The following ADGRL2 variants were observed in gnomAD, a reference collection of about 807,000 sequenced individuals.
ADGRL2 encodes the protein adhesion G protein-coupled receptor L2, also known as calcium-independent alpha-latrotoxin receptor 2.
In ADGRL2, 44 loss-of-function variants were observed where a neutral mutation model predicts 157.4. The ratio of observed to expected loss-of-function variants is 0.28; its 90% CI spans 0.22 to 0.36. The LOEUF is 0.36. ADGRL2 is among the 10% of genes least tolerant of loss of function. The pLI is 1.00. For missense variants in ADGRL2, 1,510 were observed against 1,768.9 expected (o/e 0.85, Z 2.63); for synonymous variants, 585 against 624.7 (o/e 0.94, Z 0.95).
chr1:81,888,266 A>G (rs2094173974), intron 2 of ADGRL2, among the ~76,000 whole-genome samples: 1 of 152,160 alleles, frequency 6.6e-6, no homozygotes, highest in South Asian at 2.1e-4. Context: ...CAGTGCTCAT[A>G]CAACATACGA....
chr1:81,353,293 T>C (rs1020105982), intron 1 of ADGRL2, among the ~76,000 whole-genome samples: 2 of 152,182 alleles, frequency 1.3e-5, no homozygotes, highest in Non-Finnish European at 2.9e-5. Flanking sequence ...GGTCCTTTTA[T>C]TCCATAAATA....
intron 3 of ADGRL2, among the ~76,000 whole-genome samples, chr1:81,599,878 C>G (rs187152947): frequency 6.6e-6 from 1 of 152,104 alleles, no homozygotes; most frequent in South Asian, 2.1e-4. Context: ...CTATGTTTCC[C>G]AAGTTTTGAG....
intron 2 of ADGRL2, among the ~76,000 whole-genome samples, chr1:81,553,227 T>C (rs1187605312): frequency 6.6e-6 from 1 of 152,206 alleles, no homozygotes; most frequent in Non-Finnish European, 1.5e-5. Context: ...CTTGATCCAC[T>C]ATGCCATTTA....
chr1:81,778,466 C>T (rs1172678784), intron 2 of ADGRL2, among the ~76,000 whole-genome samples: 2 of 152,086 alleles, frequency 1.3e-5, no homozygotes, highest in Admixed American at 6.5e-5. Flanking sequence ...TTTACTCTGA[C>T]AGAAAAGAAC....
At chr1:81,308,389 G>A (rs1659500541) in intron 1 of ADGRL2, among the ~76,000 whole-genome samples, 1 of 152,138 alleles carries the variant, frequency 6.6e-6, no homozygotes, top group Non-Finnish European at 1.5e-5. Flanking sequence ...AAACGAGTTT[G>A]AGAACAGCAC....
chr1:81,506,675 A>T (rs913210255), intron 2 of ADGRL2, among the ~76,000 whole-genome samples: 2 of 152,134 alleles, frequency 1.3e-5, no homozygotes, highest in Non-Finnish European at 2.9e-5. Flanking sequence ...GCACCACTGC[A>T]CTCCAGCCTG....
intron 2 of ADGRL2, among the ~76,000 whole-genome samples, chr1:81,500,745 A>G (rs1375467773): frequency 1.3e-5 from 2 of 152,198 alleles, no homozygotes; most frequent in African/African-American, 4.8e-5. Context: ...GTGTGCAACA[A>G]TGTACTTACT....
chr1:81,364,337 C>T (rs2076027860), intron 1 of ADGRL2, among the ~76,000 whole-genome samples: 1 of 151,958 alleles, frequency 6.6e-6, no homozygotes, highest in African/African-American at 2.4e-5. Context: ...GTATTTTCTG[C>T]AATTAAAATT....
intron 2 of ADGRL2, among the ~76,000 whole-genome samples, chr1:81,491,980 A>T (rs992857831): frequency 7.2e-5 from 11 of 152,228 alleles, no homozygotes; most frequent in African/African-American, 2.2e-4. Context: ...AGCACAAAGA[A>T]TGAAACTGAG....
intron 3 of ADGRL2, among the ~76,000 whole-genome samples, chr1:81,678,728 A>G (rs1204409615): frequency 6.6e-6 from 1 of 152,134 alleles, no homozygotes; most frequent in African/African-American, 2.4e-5. Flanking sequence ...CTTCTATTAA[A>G]CAGTACAGGC....
intron 1 of ADGRL2, among the ~76,000 whole-genome samples, chr1:81,351,035 T>C (rs1662845419): frequency 6.6e-6 from 1 of 152,176 alleles, no homozygotes; most frequent in Non-Finnish European, 1.5e-5. Flanking sequence ...CACCAGATTA[T>C]GAAGATTTAA....
chr1:81,617,247 A>G (rs903738497), intron 3 of ADGRL2, among the ~76,000 whole-genome samples: 1 of 152,204 alleles, frequency 6.6e-6, no homozygotes, highest in African/African-American at 2.4e-5. Context: ...TGAACTGTGC[A>G]TGCCTCGGAT....
intron 1 of ADGRL2, among the ~76,000 whole-genome samples, chr1:81,758,074 T>C (rs1320489884): frequency 6.6e-6 from 1 of 152,212 alleles, no homozygotes; most frequent in Non-Finnish European, 1.5e-5. Flanking sequence ...ACCTTCAAAT[T>C]GGTTACAACG....
intron 3 of ADGRL2, among the ~76,000 whole-genome samples, chr1:81,610,229 G>GTTTTTGGAGGT (rs1553129964): frequency 2.4e-5 from 3 of 127,388 alleles, no homozygotes; most frequent in African/African-American, 8.9e-5. Context: ...TGGCTTGGAG[G>GTTTTTGGAGGT]TTTTTTTTTT....
intron 7 of ADGRL2, 36 bp downstream of exon 7, chr1:81,950,518 A>C: frequency 6.4e-7 from 1 of 1,561,016 alleles, no homozygotes; most frequent in South Asian, 1.2e-5. Flanking sequence ...ACATTTTTCA[A>C]TTTAGTAAGT....
chr1:81,841,009 A>G (rs901374405), intron 2 of ADGRL2, among the ~76,000 whole-genome samples: 4 of 152,166 alleles, frequency 2.6e-5, no homozygotes, highest in Admixed American at 2.6e-4. Flanking sequence ...ATGCTGTATA[A>G]TGGAGCCTTG....
intron 1 of ADGRL2, among the ~76,000 whole-genome samples, chr1:81,311,052 A>G (rs1437442015): frequency 6.6e-6 from 1 of 152,182 alleles, no homozygotes; most frequent in Non-Finnish European, 1.5e-5. Flanking sequence ...TATAAAACCA[A>G]GGGATTTTTC....
chr1:81,903,658 C>A (rs2094528053), intron 2 of ADGRL2, among the ~76,000 whole-genome samples: 1 of 149,690 alleles, frequency 6.7e-6, no homozygotes, highest in African/African-American at 2.4e-5. Flanking sequence ...AATTGCTTTG[C>A]AAGTAATACT....
intron 1 of ADGRL2, among the ~76,000 whole-genome samples, chr1:81,390,625 C>A (rs1026587256): frequency 1.4e-4 from 22 of 152,298 alleles, no homozygotes; most frequent in African/African-American, 5.3e-4. Context: ...TTTTTCCATA[C>A]CTATCCTAAT....
Sources: allele counts gnomAD v4.1 joint callset (sites outside exome capture counted in the v4.1 genomes callset), GRCh38; gene constraint gnomAD v4.1.1; transcripts MANE v1.5; gene names NCBI Gene and HGNC (gene_info 2026-07-23, HGNC 2026-07-21).